The following ATAD1 variants were observed in gnomAD, a reference collection of about 807,000 sequenced individuals.
The protein encoded by ATAD1 is ATPase family AAA domain containing 1.
Under a neutral mutation model 42.7 loss-of-function variants are expected in ATAD1, and 18 were observed. That is an observed-to-expected ratio of 0.42 (90% confidence interval 0.29 to 0.63). The LOEUF is 0.63. Among genes scored for constraint, ATAD1 ranks in the 20% least tolerant of loss-of-function variants. ATAD1 has a pLI of 0.19. For synonymous variants in ATAD1, 132 were observed against 143.1 expected (o/e 0.92, Z 0.55); for missense variants, 294 against 440.4 (o/e 0.67, Z 2.98).
At chr10:87,774,566 A>G (rs1855199291) in intron 6 of ATAD1, among the ~76,000 whole-genome samples, 1 of 152,222 alleles carries the variant, frequency 6.6e-6, no homozygotes, top group Non-Finnish European at 1.5e-5. Flanking sequence ...GTCAGATAGT[A>G]GAAGAGCTTC....
intron 8 of ATAD1, among the ~76,000 whole-genome samples, 189 bp downstream of exon 8, chr10:87,767,484 A>G (rs1305767369): frequency 6.6e-6 from 1 of 152,188 alleles, no homozygotes; most frequent in Non-Finnish European, 1.5e-5. Context: ...GTGGAGCTCT[A>G]GCCCACAGCT....
chr10:87,784,692 A>G lies in ATAD1; in HGVS notation c.383-22T>C, dbSNP rs1003597123. On this transcript the variant is annotated intron_variant, in intron 4 of 9. Transcript: ENST00000680024. ...ACACCTGGAAATGAATATGTTATTTATTACCTTTAAGGGGATATTTGCTTC... is the reference window on the plus strand; with the variant it reads ...ACACCTGGAAATGAATATGTTATTTGTTACCTTTAAGGGGATATTTGCTTC... 3.7e-6 allele frequency: 6 copies of G among 1,604,362 alleles called. No homozygotes were observed. The African/African-American group carries it at 6.7e-5, about 18-fold the overall frequency.
chr10:87,782,901 G>A (rs12770684), intron 5 of ATAD1, among the ~76,000 whole-genome samples: 44,527 of 151,710 alleles, frequency 0.29, 6,741 homozygotes, highest in Middle Eastern at 0.31. Flanking sequence ...GAAAGGTTGA[G>A]GCAGGAGGAT....
chr10:87,760,041 C>G (rs1296422170), intron 8 of ATAD1, among the ~76,000 whole-genome samples: 1 of 152,154 alleles, frequency 6.6e-6, no homozygotes, highest in Non-Finnish European at 1.5e-5. Context: ...TCTAAAATAG[C>G]TTGAAAGAAT....
intron 9 of ATAD1, 117 bp from the exon 10 acceptor site, chr10:87,754,924 TG>T (rs1854155262): frequency 8.1e-7 from 1 of 1,240,424 alleles, no homozygotes; most frequent in African/African-American, 1.5e-5. Flanking sequence ...TGTTTTCAAC[TG>T]TAGAAAAGGG....
chr10:87,789,221 T>C (rs1016925924), intron 4 of ATAD1, among the ~76,000 whole-genome samples: 1 of 152,216 alleles, frequency 6.6e-6, no homozygotes, highest in African/African-American at 2.4e-5. Flanking sequence ...GAAAAATCAA[T>C]GTGACTAATA....
At chr10:87,796,684 T>C (rs1189922105) in intron 2 of ATAD1, among the ~76,000 whole-genome samples, 4 of 152,202 alleles carry the variant, frequency 2.6e-5, no homozygotes, top group Non-Finnish European at 5.9e-5. Context: ...GTCTCAGATA[T>C]GTGGGGTTCA....
intron 2 of ATAD1, among the ~76,000 whole-genome samples, chr10:87,801,762 T>C (rs570548401): frequency 6.6e-6 from 1 of 152,312 alleles, no homozygotes; most frequent in South Asian, 2.1e-4. Context: ...TAATCAGCTA[T>C]AAAACTCTAA....
At chr10:87,778,657 T>C (rs974050155) in intron 5 of ATAD1, among the ~76,000 whole-genome samples, 6 of 152,224 alleles carry the variant, frequency 3.9e-5, no homozygotes, top group Non-Finnish European at 7.3e-5. Context: ...TGGCATCATG[T>C]TGTTGCTCAA....
At chr10:87,789,374 AAAT>A (rs768543035) in intron 4 of ATAD1, among the ~76,000 whole-genome samples, 36 of 152,300 alleles carry the variant, frequency 2.4e-4, no homozygotes, top group Admixed American at 5.9e-4. Flanking sequence ...CTCTCACTGT[AAAT>A]TATTTACACT....
intron 7 of ATAD1, among the ~76,000 whole-genome samples, chr10:87,769,090 A>T (rs769785078): frequency 7.9e-5 from 12 of 152,214 alleles, no homozygotes; most frequent in Non-Finnish European, 1.3e-4. Context: ...AATAAAATTT[A>T]AAAAACCCTT....
chr10:87,833,727 C>CTTTTTTTTTTTTTTTT (rs3033524), intron 1 of ATAD1, among the ~76,000 whole-genome samples: 16 of 100,762 alleles, frequency 1.6e-4, no homozygotes, highest in East Asian at 2.7e-4. Context: ...TCTTTCTTTC[C>CTTTTTTTTTTTTTTTT]TTTTTTTTTT....
chr10:87,836,677 G>C lies in ATAD1; in HGVS notation c.-14+4510C>G, dbSNP rs561103515. ...GCATGAGTTTCTTTGGTTATACCCT[G>C]TTTGGTGTCTGAGTTTCTTGAATCT... On this transcript the variant is annotated intron_variant, in intron 1 of 4. Transcript: ENST00000495903. Among the ~76,000 whole-genome samples, 3 of 152,274 alleles carry C rather than the reference G, an allele frequency of 2.0e-5. No individual in the cohort carries two copies. In the East Asian group the frequency reaches 5.8e-4, roughly 29 times the overall value.
chr10:87,813,114 C>T (rs1347742385), intron 2 of ATAD1, among the ~76,000 whole-genome samples: 1 of 152,092 alleles, frequency 6.6e-6, no homozygotes, highest in Non-Finnish European at 1.5e-5. Flanking sequence ...GCTTGTAGTA[C>T]TTAGCATCTA....
chr10:87,754,860 C>A (rs1854151802), intron 9 of ATAD1, 53 bp from the exon 10 acceptor site: 8 of 1,557,404 alleles, frequency 5.1e-6, no homozygotes, highest in Non-Finnish European at 6.1e-6. Flanking sequence ...AATATGCCTC[C>A]CTAAAATATT....
At position 87,837,106 on chromosome 10, in the gene ATAD1, C is replaced by G. The variant is rs1027722138; in HGVS notation, c.-14+4081G>C. ...CACTTTTCTAATAACTGTTTTAAAG[C>G]TATAGTCAGCTAATTCCAGCATCTA... On this transcript the variant is annotated intron_variant, in intron 1 of 4. Transcript: ENST00000495903. Among the ~76,000 whole-genome samples the G allele has an allele frequency of 3.9e-5, 6 of 152,160 alleles. 1 individual carries two copies. The highest frequency in any genetic ancestry group is 1.4e-4 in the African/African-American group (6 of 41,422).
At chr10:87,759,641 A>G in intron 8 of ATAD1, 1 of 352,924 alleles carries the variant, frequency 2.8e-6, no homozygotes, top group Admixed American at 3.5e-5. Context: ...AGTATAAGAA[A>G]ACAAAGAAAA....
chr10:87,823,178 A>G (rs921472892), upstream of ATAD1, among the ~76,000 whole-genome samples: 1 of 151,968 alleles, frequency 6.6e-6, no homozygotes, highest in Non-Finnish European at 1.5e-5. Context: ...AACTTTACAC[A>G]TAATTTTAAA....
intron 8 of ATAD1, among the ~76,000 whole-genome samples, chr10:87,757,717 T>C (rs759696316): frequency 3.9e-5 from 6 of 152,192 alleles, no homozygotes; most frequent in Admixed American, 1.3e-4. Context: ...ACAGCAACAT[T>C]TACTTTCCCC....
Sources: gnomAD v4.1 joint callset for allele counts (sites outside exome capture counted in the v4.1 genomes callset) on GRCh38, gnomAD v4.1.1 for gene constraint, MANE v1.5 for transcripts, NCBI Gene and HGNC (gene_info 2026-07-23, HGNC 2026-07-21) for gene names.